The following NOVA2 variants were observed in gnomAD, a reference collection of about 807,000 sequenced individuals.
NOVA2 encodes RNA-binding protein Nova-2.
A neutral mutation model predicts 22.5 loss-of-function variants in NOVA2; 9 were observed. That is an observed-to-expected ratio of 0.40 (90% CI 0.24 to 0.70). NOVA2 has a LOEUF of 0.70. NOVA2 is among the 30% of genes least tolerant of loss of function. The probability of loss-of-function intolerance (pLI) is 0.38; values close to 1 mark genes in which losing one functional copy is unlikely to be tolerated. For missense variants in NOVA2, 383 were observed against 682.8 expected, an observed-to-expected ratio of 0.56 and a Z score of 4.89; for synonymous variants, 318 against 335.2, an observed-to-expected ratio of 0.95 and a Z score of 0.56.
Position 45,957,390 on chromosome 19 carries a change from T to C in NOVA2, c.230-3444A>G, listed in dbSNP as rs1968020464. On this transcript the variant is annotated intron_variant, in intron 2 of 3. Coordinates refer to ENST00000263257, the MANE Select transcript of NOVA2 (RefSeq NM_002516.4). ...CTGTCTCTACTGAAAATACAAAAAA[T>C]TAGCTGGGCATGGTAATGGACGCCT... is the stretch of plus-strand genomic sequence containing the variant. Among the ~76,000 whole-genome samples the C allele has an allele frequency of 2.0e-5, 3 of 151,908 alleles. 1 individual carries two copies. In the South Asian group the frequency reaches 6.3e-4, roughly 32 times the overall value.
At chr19:45,952,326 A>C (rs1230317483) in intron 3 of NOVA2, among the ~76,000 whole-genome samples, 1 of 152,208 alleles carries the variant, frequency 6.6e-6, no homozygotes, top group African/African-American at 2.4e-5. Context: ...AGGATTGGAG[A>C]AATCAAAGTC....
chr19:45,960,094 G>T lies in NOVA2; in HGVS notation c.229+916C>A, dbSNP rs144032780. Among the ~76,000 whole-genome samples the T allele has an allele frequency of 3.3e-3, 501 of 151,550 alleles. 2 individuals carry two copies. The highest frequency in any genetic ancestry group is 0.014 in the Middle Eastern group (4 of 294). On this transcript the variant is annotated intron_variant, in intron 2 of 3. Coordinates refer to ENST00000263257, the MANE Select transcript of NOVA2 (RefSeq NM_002516.4). Reference sequence around the variant, plus strand: ...GGCCTTGGAAAATGTATGGTTGGGGGAGAAGGATGGAGCAGGGGGAGAGGC... The same window carrying T: ...GGCCTTGGAAAATGTATGGTTGGGGTAGAAGGATGGAGCAGGGGGAGAGGC...
At position 45,937,156 on chromosome 19, in the gene NOVA2, C is replaced by G. The variant is rs983114916; in HGVS notation, c.*2707G>C. 6.6e-6 allele frequency: 1 copy of G among 152,004 alleles called. No individual in the cohort carries two copies. Among genetic ancestry groups the G allele is most frequent in the Non-Finnish European group, 1.5e-5 (1 of 67,988 alleles). 9.4% of individuals were successfully genotyped at this position (152,004 alleles called of 1,614,324 possible). A position where few individuals can be genotyped will look rare whatever the true frequency, so the allele number is the denominator to read the frequency against. Reference sequence around the variant, plus strand: ...CCCTGGCTGGCTGGGTAGGGGGTCCCCAAGAAATATGAATAGGGAGGGGTT... The same window carrying G: ...CCCTGGCTGGCTGGGTAGGGGGTCCGCAAGAAATATGAATAGGGAGGGGTT... On this transcript the variant is annotated 3_prime_UTR_variant, in exon 4 of 4. Coordinates refer to ENST00000263257, the MANE Select transcript of NOVA2 (RefSeq NM_002516.4).
At chr19:45,969,776 A>G (rs1968211419) in intron 1 of NOVA2, among the ~76,000 whole-genome samples, 1 of 152,072 alleles carries the variant, frequency 6.6e-6, no homozygotes, top group Non-Finnish European at 1.5e-5. Flanking sequence ...CCCTGACTAG[A>G]GTTTCCGTCC....
intron 1 of NOVA2, among the ~76,000 whole-genome samples, chr19:45,964,846 T>A (rs950307814): frequency 6.6e-6 from 1 of 151,866 alleles, no homozygotes; most frequent in African/African-American, 2.4e-5. Context: ...CAGGCGTGAG[T>A]CACCATGCCT....
chr19:45,941,092 C>G, intron 3 of NOVA2, 147 bp from the exon 4 acceptor site: 1 of 744,982 alleles, frequency 1.3e-6, no homozygotes, highest in East Asian at 2.9e-5. Context: ...GAGTTCCAGA[C>G]TAGCCTGGCC....
chr19:45,946,293 C>T (rs1305281324), intron 3 of NOVA2, among the ~76,000 whole-genome samples: 1 of 151,964 alleles, frequency 6.6e-6, no homozygotes, highest in East Asian at 1.9e-4. Context: ...TCGAGCCAGA[C>T]CTTGTGAACA....
intron 2 of NOVA2, among the ~76,000 whole-genome samples, chr19:45,959,821 G>GGAGAGAGAGAGAGAGAGAGAGA (rs146270704): frequency 2.2e-5 from 3 of 136,646 alleles, no homozygotes; most frequent in Non-Finnish European, 3.2e-5. Context: ...AGACAGAGAG[G>GGAGAGAGAGAGAGAGAGAGAGA]GAGAGAGAGA....
chr19:45,970,806 A>T (rs1211505484), intron 1 of NOVA2, among the ~76,000 whole-genome samples: 1 of 152,176 alleles, frequency 6.6e-6, no homozygotes, highest in Non-Finnish European at 1.5e-5. Context: ...TTGGGATCAA[A>T]GTCCTGGACC....
intron 3 of NOVA2, among the ~76,000 whole-genome samples, chr19:45,948,790 T>C (rs1204199102): frequency 6.6e-6 from 1 of 152,118 alleles, no homozygotes; most frequent in Admixed American, 6.6e-5. Flanking sequence ...CCTAGGTATC[T>C]ACCCGAGAGC....
intron 2 of NOVA2, 44 bp downstream of exon 2, chr19:45,960,966 G>GAAA (rs1402288550): frequency 5.2e-6 from 8 of 1,541,750 alleles, no homozygotes; most frequent in Admixed American, 2.0e-5. Context: ...GAGAAAGGGA[G>GAAA]GAAGGGCGGG....
intron 2 of NOVA2, among the ~76,000 whole-genome samples, chr19:45,958,545 G>T (rs1968046083): frequency 6.6e-6 from 1 of 151,080 alleles, no homozygotes; most frequent in East Asian, 1.9e-4. Context: ...GTGTGACTGT[G>T]TGTAAGCGTG....
chr19:45,964,840 C>T lies in NOVA2; in HGVS notation c.86-3687G>A, dbSNP rs182190530. On this transcript the variant is annotated intron_variant, in intron 1 of 3. Transcript: ENST00000263257. Reference sequence around the variant, plus strand: ...CCTCCAAAAGTGTTGGGATTACAGGCGTGAGTCACCATGCCTGGCCTCTGC... The same window carrying T: ...CCTCCAAAAGTGTTGGGATTACAGGTGTGAGTCACCATGCCTGGCCTCTGC... 4.2e-3 allele frequency among the ~76,000 whole-genome samples: 644 copies of T among 152,162 alleles called. 20 individuals carry two copies. Among genetic ancestry groups the T allele is most frequent in the Admixed American group, 0.038 (582 of 15,274 alleles).
At chr19:45,958,698 G>T (rs1477525157) in intron 2 of NOVA2, among the ~76,000 whole-genome samples, 1 of 152,056 alleles carries the variant, frequency 6.6e-6, no homozygotes, top group Non-Finnish European at 1.5e-5. Context: ...AACCTACTAG[G>T]CCCAGAGTGC....
At position 45,940,164 on chromosome 19, in the gene NOVA2, C is replaced by CCCCCGGCCG. The variant is rs747756846; in HGVS notation, c.1169_1177dup (p.Ala390_Gly392dup). 1.9e-6 allele frequency: 3 copies of CCCCCGGCCG among 1,596,896 alleles called. No individual in the cohort carries two copies. The highest frequency in any genetic ancestry group is 2.2e-5 in the South Asian group (2 of 90,418). ...CGCCAGCTTCTCCGCCGTCAGGAAG[C>CCCCCGGCCG]CCCCGGCCGCCCCGGCCGCGGCTGC... On this transcript the variant is annotated inframe_insertion, in exon 4 of 4. Transcript: ENST00000263257.
At chr19:45,942,059 T>C (rs1474515476) in intron 3 of NOVA2, among the ~76,000 whole-genome samples, 1 of 152,148 alleles carries the variant, frequency 6.6e-6, no homozygotes, top group Non-Finnish European at 1.5e-5. Context: ...TGTCCTAAGG[T>C]TCCCCAGTTA....
At chr19:45,953,715 T>C in intron 3 of NOVA2, 65 bp downstream of exon 3, 2 of 1,586,080 alleles carry the variant, frequency 1.3e-6, no homozygotes, top group Non-Finnish European at 1.7e-6. Flanking sequence ...AGCAGTGATG[T>C]GGGAGGAATG....
intron 1 of NOVA2, among the ~76,000 whole-genome samples, chr19:45,963,684 A>T (rs1968128614): frequency 6.6e-6 from 1 of 151,630 alleles, no homozygotes; most frequent in Non-Finnish European, 1.5e-5. Context: ...GGTGCCCACC[A>T]CCACGCCCAG....
rs769338525 is a variant in NOVA2 at position 45,940,451 on chromosome 19, G to A, written c.891C>T (p.Gly297=). 8 of 1,528,822 alleles carry A rather than the reference G, an allele frequency of 5.2e-6. No individual in the cohort carries two copies. Among genetic ancestry groups the A allele is most frequent in the Non-Finnish European group, 5.3e-6 (6 of 1,138,280 alleles). The allele number at this position is 1,528,822 out of a possible 1,614,324, so 94.7% of individuals were successfully genotyped here. A position where few individuals can be genotyped will look rare whatever the true frequency, so the allele number is the denominator to read the frequency against. The change falls in exon 4 of 4, where the codon GGC becomes GGT. Residue 297 remains glycine (G), a synonymous_variant. Coordinates refer to ENST00000263257, the MANE Select transcript of NOVA2 (RefSeq NM_002516.4). ...AAGCTGCGGCCGAGTTGAGGCCCAG[G>A]CCCAGGGAGTTGGTGTTGTAGCCGT... is the stretch of plus-strand genomic sequence containing the variant. ...ASYGYNTNSL[G]LGLNSAAASG... is the part of the protein sequence containing the mutation.
Sources: gnomAD v4.1 joint callset for allele counts (sites outside exome capture counted in the v4.1 genomes callset) on GRCh38, gnomAD v4.1.1 for gene constraint, MANE v1.5 for transcripts, NCBI Gene and HGNC (gene_info 2026-07-23, HGNC 2026-07-21) for gene names.